TMEM178A: variants seen among roughly 807,000 people sequenced by gnomAD.
The protein encoded by TMEM178A is transmembrane protein 178A.
A neutral mutation model predicts 29.1 loss-of-function variants in TMEM178A; 12 were observed. The observed-to-expected ratio is 0.41, with a 90% CI of 0.26 to 0.67. The LOEUF (loss-of-function observed/expected upper bound fraction) is 0.67. Among genes scored for constraint, TMEM178A ranks in the 30% least tolerant of loss-of-function variants. TMEM178A has a pLI of 0.29. For synonymous variants in TMEM178A, 210 were observed against 187.2 expected (o/e 1.12, Z -0.99); for missense variants, 366 against 419.1 (o/e 0.87, Z 1.11).
In TMEM178A at chr2:39,679,469, A is replaced by ACTTC. The variant is rs200592230; in HGVS notation, c.400+13095_400+13096insCTTC. 8.0e-4 allele frequency among the ~76,000 whole-genome samples: 121 copies of ACTTC among 152,090 alleles called. 4 individuals are homozygous for ACTTC. In the East Asian group the frequency reaches 0.022, roughly 27 times the overall value. On this transcript the variant is annotated intron_variant, in intron 1 of 3. Transcript: ENST00000281961. ...TTATACACTTTTTTTTGAAGTATTCAAAAAAAATCAGTGTATAACTAACAA... is the reference window on the plus strand; with the variant it reads ...TTATACACTTTTTTTTGAAGTATTCACTTCAAAAAAATCAGTGTATAACTAACAA...
intron 1 of TMEM178A, among the ~76,000 whole-genome samples, chr2:39,683,762 T>C (rs911026384): frequency 6.6e-6 from 1 of 152,210 alleles, no homozygotes; most frequent in Non-Finnish European, 1.5e-5. Flanking sequence ...TCAGTATGGA[T>C]GAGGATGGGC....
chr2:39,679,702 G>A lies in TMEM178A; in HGVS notation c.400+13328G>A, dbSNP rs567729504. Reference sequence around the variant, plus strand: ...AAACTCAATATATTGGTCATACTTTGCCAGGTTCATTCTATGTATGTCCTT... The same window carrying A: ...AAACTCAATATATTGGTCATACTTTACCAGGTTCATTCTATGTATGTCCTT... On this transcript the variant is annotated intron_variant, in intron 1 of 3. Coordinates refer to ENST00000281961, the MANE Select transcript of TMEM178A (RefSeq NM_152390.3). Among the ~76,000 whole-genome samples, 6 of 152,236 alleles carry A rather than the reference G, an allele frequency of 3.9e-5. 1 individual carries two copies. In the South Asian group the frequency reaches 1.2e-3, roughly 32 times the overall value.
At chr2:39,676,519 C>T (rs1670630443) in intron 1 of TMEM178A, among the ~76,000 whole-genome samples, 1 of 152,226 alleles carries the variant, frequency 6.6e-6, no homozygotes, top group South Asian at 2.1e-4. Flanking sequence ...AGACTTCCCA[C>T]CGGTCTCATT....
At chr2:39,732,477 C>T in the TMEM178A span, among the ~76,000 whole-genome samples, 1 of 152,152 alleles carries the variant, frequency 6.6e-6, no homozygotes, top group African/African-American at 2.4e-5. Context: ...GGGTTGGGTC[C>T]ATGCGACTTT....
chr2:39,666,250 GCT>G lies in TMEM178A; in HGVS notation c.278_279del (p.Leu93ProfsTer65). ...GCGCCGACCCCGAGTCCTGGCGCTC[GCT>G]CCTGGGGCTCGGCGGGCTGGACGCC... ...GRADPESWRS[L>X]LGLGGLDAEC... On this transcript the variant is annotated frameshift_variant, in exon 1 of 4. Coordinates refer to ENST00000281961, the MANE Select transcript of TMEM178A (RefSeq NM_152390.3). LOFTEE classifies it high-confidence loss of function. The G allele has an allele frequency of 7.4e-7, 1 of 1,346,044 alleles. No homozygotes were observed. The highest frequency in any genetic ancestry group is 9.5e-7 in the Non-Finnish European group (1 of 1,054,162). 83.4% of individuals were successfully genotyped at this position (1,346,044 alleles called of 1,614,324 possible).
At position 39,717,381 on chromosome 2, in the gene TMEM178A, T is replaced by A; in HGVS notation, c.*130T>A. 7.4e-7 allele frequency: 1 copy of A among 1,348,534 alleles called. No homozygotes were observed. The highest frequency in any genetic ancestry group is 9.9e-7 in the Non-Finnish European group (1 of 1,011,474). 83.5% of individuals were successfully genotyped at this position (1,348,534 alleles called of 1,614,324 possible). On this transcript the variant is annotated 3_prime_UTR_variant, in exon 4 of 4. Transcript: ENST00000281961. ...CTGCCAGCCCTTTCTGGATTACTGATAGAAAATCATGCAAAACCTCCCAAC... is the reference window on the plus strand; with the variant it reads ...CTGCCAGCCCTTTCTGGATTACTGAAAGAAAATCATGCAAAACCTCCCAAC...
intron 3 of TMEM178A, among the ~76,000 whole-genome samples, chr2:39,716,498 G>A (rs1045752263): frequency 2.2e-4 from 34 of 152,072 alleles, no homozygotes; most frequent in Non-Finnish European, 8.8e-5. Context: ...CTACTTGTAT[G>A]ACTTCATCTA....
intron 3 of TMEM178A, among the ~76,000 whole-genome samples, chr2:39,712,393 G>A (rs1334090785): frequency 6.6e-6 from 1 of 152,058 alleles, no homozygotes; most frequent in Non-Finnish European, 1.5e-5. Context: ...TTACCAGCCG[G>A]CATCATGAAG....
At chr2:39,684,665 A>G (rs1252211391) in intron 1 of TMEM178A, among the ~76,000 whole-genome samples, 3 of 152,178 alleles carry the variant, frequency 2.0e-5, no homozygotes, top group Non-Finnish European at 2.9e-5. Context: ...GCAGCTCCTG[A>G]TAACTTACTG....
chr2:39,675,194 G>T (rs1670564819), intron 1 of TMEM178A, among the ~76,000 whole-genome samples: 2 of 152,240 alleles, frequency 1.3e-5, no homozygotes, highest in South Asian at 4.2e-4. Flanking sequence ...GAAGATGTAG[G>T]GGTGGGGGCT....
At chr2:39,710,906 A>G (rs1290535575) in intron 3 of TMEM178A, among the ~76,000 whole-genome samples, 2 of 152,212 alleles carry the variant, frequency 1.3e-5, no homozygotes, top group African/African-American at 2.4e-5. Context: ...CTCTGAAACG[A>G]TATTTCTCCT....
At chr2:39,671,130 G>T (rs948945361) in intron 1 of TMEM178A, among the ~76,000 whole-genome samples, 5 of 152,166 alleles carry the variant, frequency 3.3e-5, no homozygotes, top group Admixed American at 6.5e-5. Flanking sequence ...GAGATAAACA[G>T]ATATCAAAGA....
rs778714166 is a variant in TMEM178A, at chr2:39,717,284, G to A, written c.*33G>A. ...CACTGGGCCTGTCCACAGTGCGAGC[G>A]ACTCCTGAGGGGAACAGCGCGGAGT... On this transcript the variant is annotated 3_prime_UTR_variant, in exon 4 of 4. Transcript: ENST00000281961. 12 of 1,603,586 alleles carry A rather than the reference G, an allele frequency of 7.5e-6. No individual in the cohort carries two copies. The highest frequency in any genetic ancestry group is 5.1e-5 in the Admixed American group (3 of 59,156).
chr2:39,672,198 C>G (rs1256952993), intron 1 of TMEM178A, among the ~76,000 whole-genome samples: 1 of 152,168 alleles, frequency 6.6e-6, no homozygotes, highest in East Asian at 1.9e-4. Context: ...AAAGAATATA[C>G]TTGCTTCCAT....
chr2:39,696,098 C>T (rs1420904490), intron 1 of TMEM178A, among the ~76,000 whole-genome samples: 1 of 152,052 alleles, frequency 6.6e-6, no homozygotes, highest in Admixed American at 6.6e-5. Flanking sequence ...AACTGAGACT[C>T]CAGAGGCCTC....
chr2:39,690,278 A>G (rs887736683), intron 1 of TMEM178A, among the ~76,000 whole-genome samples: 1 of 152,214 alleles, frequency 6.6e-6, no homozygotes, highest in African/African-American at 2.4e-5. Flanking sequence ...ACTGGCTGTC[A>G]TGTGCCCCCA....
chr2:39,691,612 T>A (rs1014419936), intron 1 of TMEM178A, among the ~76,000 whole-genome samples: 1 of 152,112 alleles, frequency 6.6e-6, no homozygotes, highest in Non-Finnish European at 1.5e-5. Flanking sequence ...AACTACCATA[T>A]GACCTGGCAA....
intron 3 of TMEM178A, 89 bp downstream of exon 3, chr2:39,707,275 T>G: frequency 7.0e-7 from 1 of 1,437,874 alleles, no homozygotes; most frequent in Non-Finnish European, 9.2e-7. Context: ...TATCTCCCTG[T>G]TAATTTTGTT....
intron 1 of TMEM178A, among the ~76,000 whole-genome samples, chr2:39,691,827 A>G (rs1311914909): frequency 6.6e-6 from 1 of 151,316 alleles, no homozygotes; most frequent in Admixed American, 6.6e-5. Flanking sequence ...TATATAAAAC[A>G]TTTTCTTTAT....
Sources: allele counts gnomAD v4.1 joint callset (sites outside exome capture counted in the v4.1 genomes callset), GRCh38; gene constraint gnomAD v4.1.1; transcripts MANE v1.5; gene names NCBI Gene and HGNC (gene_info 2026-07-23, HGNC 2026-07-21).